CNOT2: variants seen among roughly 807,000 people sequenced by gnomAD.
CNOT2 encodes CC chemokine receptor 4-negative regulator of transcription 2.
CNOT2 carries 7 observed loss-of-function variants against 72.1 expected under a neutral mutation model. The observed-to-expected ratio is 0.10, with a 90% confidence interval of 0.06 to 0.18. CNOT2 has a LOEUF of 0.18. Ranked by LOEUF, CNOT2 falls within the 10% of genes least tolerant of loss-of-function variation. The probability of loss-of-function intolerance (pLI) is 1.00; values close to 1 mark genes in which losing one functional copy is unlikely to be tolerated. For synonymous variants in CNOT2, 196 were observed against 225.6 expected, an observed-to-expected ratio of 0.87 and a Z score of 1.17; for missense variants, 345 against 660.3, an observed-to-expected ratio of 0.52 and a Z score of 5.23.
intron 1 of CNOT2, chr12:70,243,681 G>T (rs563726121): frequency 6.6e-6 from 1 of 151,368 alleles, no homozygotes; most frequent in Non-Finnish European, 1.5e-5. Flanking sequence ...CGGGCGGGGA[G>T]GGGGGTGGCG....
chr12:70,322,684 C>T (rs1398958589), intron 4 of CNOT2: 4 of 151,708 alleles, frequency 2.6e-5, no homozygotes, highest in Admixed American at 6.6e-5. Flanking sequence ...ATGACATAGT[C>T]TCATGCTTCC....
At chr12:70,268,629 T>A (rs200509017) in intron 1 of CNOT2, among the ~76,000 whole-genome samples, 20,827 of 150,022 alleles carry the variant, frequency 0.14, 1,755 homozygotes, top group Admixed American at 0.27. Flanking sequence ...TAAAAAAAAT[T>A]TTTTTTTTTT....
intron 1 of CNOT2, among the ~76,000 whole-genome samples, chr12:70,266,121 T>C (rs1046315667): frequency 6.6e-6 from 1 of 151,880 alleles, no homozygotes; most frequent in African/African-American, 2.4e-5. Context: ...TTATTATTAT[T>C]TTTCAGACAG....
chr12:70,298,753 C>A (rs900161135), intron 2 of CNOT2, among the ~76,000 whole-genome samples: 9 of 152,104 alleles, frequency 5.9e-5, no homozygotes, highest in Non-Finnish European at 1.2e-4. Flanking sequence ...AACTTCTGTT[C>A]TGAGTAACTG....
chr12:70,299,386 C>G (rs372980524), intron 2 of CNOT2, among the ~76,000 whole-genome samples: 1 of 139,524 alleles, frequency 7.2e-6, no homozygotes, highest in East Asian at 2.3e-4. Context: ...CCCCCACCCC[C>G]CAACAGTCCC....
chr12:70,331,809 C>T (rs890489449), intron 6 of CNOT2: 3 of 151,828 alleles, frequency 2.0e-5, no homozygotes, highest in Admixed American at 1.3e-4. Flanking sequence ...AAAACCCTGT[C>T]ATCTTCATAC....
At chr12:70,275,785 G>C (rs1868684769) in intron 1 of CNOT2, among the ~76,000 whole-genome samples, 1 of 152,030 alleles carries the variant, frequency 6.6e-6, no homozygotes, top group Non-Finnish European at 1.5e-5. Context: ...TTCACAGATT[G>C]TGTCTCTCTT....
intron 1 of CNOT2, chr12:70,244,101 T>A (rs1028121638): frequency 2.6e-5 from 4 of 152,408 alleles, no homozygotes; most frequent in African/African-American, 7.2e-5. Context: ...GGTGTCAGGA[T>A]CCTGCAGGCC....
At chr12:70,303,699 C>A (rs142749319) in intron 2 of CNOT2, among the ~76,000 whole-genome samples, 4,940 of 152,084 alleles carry the variant, frequency 0.032, 149 homozygotes, top group African/African-American at 0.068. Flanking sequence ...TGTGTCTTGG[C>A]GTTGCTCTTC....
chr12:70,293,914 C>CTTTTT lies in CNOT2; in HGVS notation c.48+15662_48+15666dup, dbSNP rs34038348. ...GTGTGCAAGTTTGTGGTGAGCACTG[C>CTTTTT]TTTTTTTTTTTTTTTTTTTTTTTTT... On this transcript the variant is annotated intron_variant, in intron 2 of 15. Transcript: ENST00000229195. Among the ~76,000 whole-genome samples the CTTTTT allele has an allele frequency of 1.5e-4, 11 of 71,340 alleles. 1 individual carries two copies. The highest frequency in any genetic ancestry group is 2.6e-4 in the Non-Finnish European group (10 of 38,950). 46.8% of individuals were successfully genotyped at this position (71,340 alleles called of 152,430 possible).
intron 2 of CNOT2, chr12:70,301,710 G>A (rs1713367411): frequency 6.6e-6 from 1 of 152,084 alleles, no homozygotes; most frequent in South Asian, 2.1e-4. Flanking sequence ...GCCAGGCTTT[G>A]GTATCAGGAT....
intron 1 of CNOT2, among the ~76,000 whole-genome samples, chr12:70,270,325 A>G (rs571543901): frequency 6.6e-6 from 1 of 152,268 alleles, no homozygotes; most frequent in African/African-American, 2.4e-5. Context: ...AATAAAGCAA[A>G]CAATACGTTT....
At position 70,312,592 on chromosome 12, in the gene CNOT2, G is replaced by A. The variant is rs1876656654; in HGVS notation, c.171+1575G>A. ...GCCACCATTCTGATCCAGCTGGTTG[G>A]CACAGAAGTAACAGAATGGTTTGAT... is the stretch of plus-strand genomic sequence containing the variant. On this transcript the variant is annotated intron_variant, in intron 3 of 15. Transcript: ENST00000229195. Among the ~76,000 whole-genome samples the A allele has an allele frequency of 2.0e-5, 3 of 151,834 alleles. No individual in the cohort carries two copies. In the South Asian group the frequency reaches 6.2e-4, roughly 31 times the overall value.
chr12:70,246,284 A>T (rs756870586), intron 1 of CNOT2, among the ~76,000 whole-genome samples: 1 of 152,232 alleles, frequency 6.6e-6, no homozygotes, highest in African/African-American at 2.4e-5. Flanking sequence ...AGGCAAACTA[A>T]CAATGCCATG....
intron 2 of CNOT2, among the ~76,000 whole-genome samples, chr12:70,298,728 C>T (rs551256481): frequency 6.6e-6 from 1 of 152,058 alleles, no homozygotes; most frequent in Non-Finnish European, 1.5e-5. Flanking sequence ...ATGCAAAGAC[C>T]GGGACATGGA....
At chr12:70,306,388 C>G (rs374080275) in intron 2 of CNOT2, among the ~76,000 whole-genome samples, 1 of 152,136 alleles carries the variant, frequency 6.6e-6, no homozygotes, top group Non-Finnish European at 1.5e-5. Flanking sequence ...AACTCCTGAC[C>G]TCAAGTGATC....
At chr12:70,257,933 C>G (rs1296929659) in intron 1 of CNOT2, among the ~76,000 whole-genome samples, 1 of 152,156 alleles carries the variant, frequency 6.6e-6, no homozygotes, top group Non-Finnish European at 1.5e-5. Flanking sequence ...CTCTGCAGCT[C>G]TGTGTAAATT....
intron 5 of CNOT2, among the ~76,000 whole-genome samples, chr12:70,329,899 C>T (rs1444275231): frequency 6.6e-6 from 1 of 151,972 alleles, no homozygotes; most frequent in African/African-American, 2.4e-5. Flanking sequence ...TCATTGCTCC[C>T]TCGCCACACA....
chr12:70,317,305 G>A (rs1593218072), intron 3 of CNOT2, among the ~76,000 whole-genome samples: 1 of 151,986 alleles, frequency 6.6e-6, no homozygotes, highest in South Asian at 2.1e-4. Flanking sequence ...CGCACAACGT[G>A]CAGGTTTGTT....
Sources: allele counts gnomAD v4.1 joint callset (sites outside exome capture counted in the v4.1 genomes callset), GRCh38; gene constraint gnomAD v4.1.1; transcripts MANE v1.5; gene names NCBI Gene and HGNC (gene_info 2026-07-23, HGNC 2026-07-21).